The following UBE2H variants were observed in gnomAD, a reference collection of about 807,000 sequenced individuals.
UBE2H encodes the protein ubiquitin conjugating enzyme E2 H.
A neutral mutation model predicts 29.0 loss-of-function variants in UBE2H; 3 were observed. The observed-to-expected ratio is 0.10, with a 90% confidence interval of 0.05 to 0.27. The LOEUF (loss-of-function observed/expected upper bound fraction) is 0.27. UBE2H is among the 10% of genes least tolerant of loss of function. The probability of loss-of-function intolerance (pLI) is 1.00; values close to 1 mark genes in which losing one functional copy is unlikely to be tolerated. For synonymous variants in UBE2H, 69 were observed against 82.9 expected, an observed-to-expected ratio of 0.83 and a Z score of 0.91; for missense variants, 68 against 228.2, an observed-to-expected ratio of 0.30 and a Z score of 4.52.
chr7:129,929,653 TC>T (rs1287702648), intron 1 of UBE2H, among the ~76,000 whole-genome samples: 1 of 152,224 alleles, frequency 6.6e-6, no homozygotes, highest in Non-Finnish European at 1.5e-5. Flanking sequence ...CAATATTCCT[TC>T]TTAGCTAAAT....
chr7:129,934,943 ATATGTG>A (rs1481595706), intron 1 of UBE2H, among the ~76,000 whole-genome samples: 1 of 149,442 alleles, frequency 6.7e-6, no homozygotes, highest in Admixed American at 6.7e-5. Flanking sequence ...ATATATATAT[ATATGTG>A]TGTGTGTGTA....
intron 1 of UBE2H, among the ~76,000 whole-genome samples, chr7:129,950,519 T>C (rs1807852899): frequency 6.6e-6 from 1 of 152,008 alleles, no homozygotes; most frequent in East Asian, 1.9e-4. Flanking sequence ...CAAAAGGCAC[T>C]GTATGGAAAA....
At chr7:129,906,076 G>A (rs1426694834) in intron 1 of UBE2H, among the ~76,000 whole-genome samples, 2 of 152,140 alleles carry the variant, frequency 1.3e-5, no homozygotes, top group East Asian at 3.8e-4. Flanking sequence ...CAAGACCAGA[G>A]CTCAAGAGAT....
intron 3 of UBE2H, among the ~76,000 whole-genome samples, chr7:129,877,667 A>G (rs1455551531): frequency 2.0e-5 from 3 of 152,232 alleles, no homozygotes; most frequent in Admixed American, 6.5e-5. Flanking sequence ...AAATTAGCTT[A>G]GTCATTTGTC....
At chr7:129,943,526 G>A (rs1434243065) in intron 1 of UBE2H, among the ~76,000 whole-genome samples, 4 of 116,408 alleles carry the variant, frequency 3.4e-5, no homozygotes, top group Admixed American at 1.8e-4. Flanking sequence ...AGAGGTTGCA[G>A]TGAGTTGAAA....
At chr7:129,857,610 A>G (rs778514089) in intron 4 of UBE2H, 47 bp from the exon 5 acceptor site, 3 of 1,587,208 alleles carry the variant, frequency 1.9e-6, no homozygotes, top group Non-Finnish European at 2.6e-6. Context: ...TTAGAAAGTT[A>G]GTTGCATGTA....
chr7:129,929,793 T>C (rs1201367729), intron 1 of UBE2H, among the ~76,000 whole-genome samples: 2 of 152,066 alleles, frequency 1.3e-5, no homozygotes, highest in African/African-American at 4.8e-5. Context: ...GCTGATCACT[T>C]GAGGTCAGGC....
At chr7:129,872,619 A>C (rs1054175638) in intron 3 of UBE2H, among the ~76,000 whole-genome samples, 3 of 152,002 alleles carry the variant, frequency 2.0e-5, no homozygotes, top group African/African-American at 7.2e-5. Flanking sequence ...AGGTGGGTGG[A>C]TCACCTGAGG....
At chr7:129,936,384 G>A (rs1468284505) in intron 1 of UBE2H, among the ~76,000 whole-genome samples, 1 of 152,042 alleles carries the variant, frequency 6.6e-6, no homozygotes, top group African/African-American at 2.4e-5. Context: ...CACGAGGTCA[G>A]GAGATCGAGA....
At chr7:129,884,381 C>T (rs1399749098) in intron 1 of UBE2H, among the ~76,000 whole-genome samples, 2 of 143,132 alleles carry the variant, frequency 1.4e-5, no homozygotes, top group East Asian at 4.2e-4. Context: ...TGTGCCACTG[C>T]ATTCCAGCCT....
At chr7:129,925,465 T>C (rs781115395) in intron 1 of UBE2H, among the ~76,000 whole-genome samples, 17 of 152,118 alleles carry the variant, frequency 1.1e-4, no homozygotes, top group Non-Finnish European at 2.1e-4. Context: ...TATACAATAA[T>C]GCTCCCAAAT....
chr7:129,906,346 A>G (rs890974154), intron 1 of UBE2H, among the ~76,000 whole-genome samples: 2 of 152,024 alleles, frequency 1.3e-5, no homozygotes, highest in East Asian at 3.9e-4. Flanking sequence ...CTGGGATTAC[A>G]GGTGTGTGCC....
chr7:129,843,617 A>G (rs1235973957), intron 5 of UBE2H, among the ~76,000 whole-genome samples: 5 of 152,206 alleles, frequency 3.3e-5, no homozygotes, highest in Admixed American at 2.6e-4. Flanking sequence ...AGCTAAATCC[A>G]TGGATCAGAG....
chr7:129,878,026 A>C (rs1806181321), intron 3 of UBE2H, among the ~76,000 whole-genome samples: 1 of 152,200 alleles, frequency 6.6e-6, no homozygotes, highest in Admixed American at 6.5e-5. Context: ...ACTTCTATAA[A>C]GGCTTTAAAG....
At chr7:129,912,424 C>G (rs1806955363) in intron 1 of UBE2H, among the ~76,000 whole-genome samples, 1 of 152,074 alleles carries the variant, frequency 6.6e-6, no homozygotes, top group Non-Finnish European at 1.5e-5. Flanking sequence ...ATAATGCTGT[C>G]CAGGCTGGTC....
chr7:129,871,627 T>C (rs1425085644), intron 3 of UBE2H, among the ~76,000 whole-genome samples: 2 of 150,914 alleles, frequency 1.3e-5, no homozygotes, highest in Admixed American at 1.3e-4. Context: ...GGCAGGAGAA[T>C]CACTTGAACC....
At chr7:129,877,501 ACT>A (rs1428511593) in intron 3 of UBE2H, among the ~76,000 whole-genome samples, 1 of 151,674 alleles carries the variant, frequency 6.6e-6, no homozygotes, top group Admixed American at 6.6e-5. Flanking sequence ...ACTGATTGAA[ACT>A]CTCTTATGCA....
chr7:129,870,467 A>G (rs1806005939), intron 3 of UBE2H, among the ~76,000 whole-genome samples: 1 of 152,158 alleles, frequency 6.6e-6, no homozygotes, highest in South Asian at 2.1e-4. Context: ...ATGCAAAAAA[A>G]TTAGCCAAGC....
chr7:129,923,368 A>G (rs868322587), intron 1 of UBE2H, among the ~76,000 whole-genome samples: 9 of 152,336 alleles, frequency 5.9e-5, no homozygotes, highest in Admixed American at 2.6e-4. Context: ...AAGGCCTACT[A>G]CTATATTTTA....
Sources: gnomAD v4.1 joint callset for allele counts (sites outside exome capture counted in the v4.1 genomes callset) on GRCh38, gnomAD v4.1.1 for gene constraint, MANE v1.5 for transcripts, NCBI Gene and HGNC (gene_info 2026-07-23, HGNC 2026-07-21) for gene names.